NIF3L1: variants seen among roughly 807,000 people sequenced by gnomAD.
NIF3L1 encodes the protein NGG1 interacting factor 3 like 1.
In NIF3L1, 26 loss-of-function variants were observed where a neutral mutation model predicts 35.0. The ratio of observed to expected loss-of-function variants is 0.74; its 90% confidence interval spans 0.54 to 1.03. The LOEUF (loss-of-function observed/expected upper bound fraction) is 1.03. NIF3L1 is among the 50% of genes least tolerant of loss of function. The pLI is 0.00. For synonymous variants in NIF3L1, 157 were observed against 178.9 expected (o/e 0.88, Z 0.98); for missense variants, 449 against 466.3 (o/e 0.96, Z 0.34).
At chr2:200,896,699 T>C (rs569873652) in intron 4 of NIF3L1, among the ~76,000 whole-genome samples, 94 of 152,236 alleles carry the variant, frequency 6.2e-4, no homozygotes, top group African/African-American at 2.1e-3. Flanking sequence ...CCACCTCCCA[T>C]TCAGCCTCCC....
intron 6 of NIF3L1, among the ~76,000 whole-genome samples, chr2:200,900,834 G>T (rs2040399899): frequency 6.6e-6 from 1 of 152,142 alleles, no homozygotes. Flanking sequence ...AAAGTTGCAA[G>T]AATAGTATAC....
intron 5 of NIF3L1, among the ~76,000 whole-genome samples, chr2:200,897,518 A>G (rs946578338): frequency 6.6e-6 from 1 of 152,102 alleles, no homozygotes; most frequent in African/African-American, 2.4e-5. Context: ...TTAAACCATC[A>G]GTTTAAAATT....
chr2:200,895,332 A>C lies in NIF3L1; in HGVS notation c.668A>C (p.Asp223Ala), dbSNP rs2040284895. 1 of 1,613,846 alleles carries C rather than the reference A, an allele frequency of 6.2e-7. No individual in the cohort carries two copies. Among genetic ancestry groups the C allele is most frequent in the Middle Eastern group, 1.6e-4 (1 of 6,082 alleles). ...CTQKALMQVVDFLSRNKQLYQ... is the reference protein window; with the variant it reads ...CTQKALMQVVAFLSRNKQLYQ... ...CAGAAGGCTTTGATGCAGGTGGTAGATTTTCTTTCCCGGAACAAACAACTT... is the reference window on the plus strand; with the variant it reads ...CAGAAGGCTTTGATGCAGGTGGTAGCTTTTCTTTCCCGGAACAAACAACTT... Residue 223 changes from aspartate (D) to alanine (A), a missense_variant, in exon 4 of 7, where the codon GAT (aspartate) becomes GCT (alanine). Asp to Ala is a moderately radical substitution (Grantham distance 126). Coordinates refer to ENST00000409020, the MANE Select transcript of NIF3L1 (RefSeq NM_001369441.2).
chr2:200,895,394 A>G lies in NIF3L1; in HGVS notation c.726+4A>G, dbSNP rs935058239. The G allele has an allele frequency of 1.9e-5, 30 of 1,613,920 alleles. 1 individual carries two copies. The African/African-American group carries it at 3.3e-4, about 18-fold the overall frequency. ...GGAAATTCTGTCACTGGAGAAGGTA[A>G]TAAGAATATTTTGTATTTGATCTTA... On this transcript the variant is annotated splice_donor_region_variant and intron_variant, in intron 4 of 6. Transcript: ENST00000409020.
intron 2 of NIF3L1, 26 bp downstream of exon 2, chr2:200,892,405 A>G (rs772303231): frequency 1.6e-5 from 24 of 1,525,058 alleles, no homozygotes; most frequent in Non-Finnish European, 2.0e-5. Flanking sequence ...CATATTTGAT[A>G]TTTTCCCTGC....
intron 3 of NIF3L1, 84 bp downstream of exon 3, chr2:200,893,492 T>G (rs1463183279): frequency 4.6e-6 from 6 of 1,314,176 alleles, no homozygotes; most frequent in Non-Finnish European, 2.1e-6. Context: ...GTATTTAGGC[T>G]TGAAACAAAT....
intron 6 of NIF3L1, among the ~76,000 whole-genome samples, chr2:200,903,247 C>T (rs994131831): frequency 5.9e-5 from 9 of 152,338 alleles, no homozygotes; most frequent in African/African-American, 2.2e-4. Context: ...AGGTGATCTG[C>T]CTGCCTAGGC....
intron 5 of NIF3L1, 76 bp from the exon 6 acceptor site, chr2:200,899,309 A>G (rs2040373317): frequency 2.7e-6 from 3 of 1,121,908 alleles, no homozygotes; most frequent in African/African-American, 3.1e-5. Flanking sequence ...TATGTTTAGG[A>G]TTCTTGGTAC....
In NIF3L1 at chr2:200,903,512, A is replaced by G. The variant is rs530776552; in HGVS notation, c.968A>G (p.Asp323Gly). Reference sequence around the variant, plus strand: ...TTGGTAGGTGAGATGTCCCATCATGATACTTTGGATGCTGCTTCCCAAGGA... The same window carrying G: ...TTGGTAGGTGAGATGTCCCATCATGGTACTTTGGATGCTGCTTCCCAAGGA... ...LYLTGEMSHH[D>G]TLDAASQGIN... Residue 323 changes from aspartate (D) to glycine (G), a missense_variant, in exon 7 of 7, where the codon GAT (aspartate) becomes GGT (glycine). Physicochemically the swap from Asp to Gly is moderately conservative, Grantham distance 94. Coordinates refer to ENST00000409020, the MANE Select transcript of NIF3L1 (RefSeq NM_001369441.2). The G allele has an allele frequency of 1.2e-6, 2 of 1,613,770 alleles. No homozygotes were observed. Among genetic ancestry groups the G allele is most frequent in the African/African-American group, 1.3e-5 (1 of 75,042 alleles).
chr2:200,901,011 C>T (rs1309350649), intron 6 of NIF3L1, among the ~76,000 whole-genome samples: 1 of 152,112 alleles, frequency 6.6e-6, no homozygotes, highest in Non-Finnish European at 1.5e-5. Flanking sequence ...TGATGTATTT[C>T]CCCTAGGACC....
At chr2:200,896,133 ACT>A (rs1193990678) in intron 4 of NIF3L1, among the ~76,000 whole-genome samples, 4 of 150,832 alleles carry the variant, frequency 2.7e-5, no homozygotes, top group African/African-American at 4.9e-5. Context: ...AGTAGTTGAA[ACT>A]CTCATTTTCT....
chr2:200,891,186 A>G (rs184547546), intron 1 of NIF3L1, among the ~76,000 whole-genome samples: 14 of 152,044 alleles, frequency 9.2e-5, no homozygotes, highest in African/African-American at 3.1e-4. Context: ...TTATCTCTTG[A>G]CTTTGTGATC....
chr2:200,892,167 A>G lies in NIF3L1; in HGVS notation c.224A>G (p.Glu75Gly). The change falls in exon 2 of 7, where the codon GAG becomes GGG. Residue 75 changes from glutamate to glycine, a missense_variant. Coordinates refer to ENST00000409020, the MANE Select transcript of NIF3L1 (RefSeq NM_001369441.2). The stretch of plus-strand genomic sequence containing the variant: ...CTCTTCCTGACCAATGACCTGACTG[A>G]GGAAGTGATGGAGGAGGTGCTGCAA... ...NTLFLTNDLTEEVMEEVLQKK... is the reference protein window; with the variant it reads ...NTLFLTNDLTGEVMEEVLQKK... 6.2e-7 allele frequency: 1 copy of G among 1,614,188 alleles called. No homozygotes were observed. The highest frequency in any genetic ancestry group is 8.5e-7 in the Non-Finnish European group (1 of 1,180,036).
rs753249368 is a variant in NIF3L1, at chr2:200,891,914, T to A, written c.-26-4T>A. The A allele has an allele frequency of 1.1e-5, 17 of 1,525,200 alleles. No homozygotes were observed. The highest frequency in any genetic ancestry group is 1.1e-5 in the Non-Finnish European group (12 of 1,125,652). The allele number at this position is 1,525,200 out of a possible 1,614,324, so 94.5% of individuals were successfully genotyped here. ...GTGTACCATTTTCTTTGTTTTGACA[T>A]CAGAAACTTGAACTTTACCTGATTT... On this transcript the variant is annotated splice_region_variant and splice_polypyrimidine_tract_variant and intron_variant, in intron 1 of 6. Transcript: ENST00000409020.
chr2:200,895,531 T>C (rs1267676610), intron 4 of NIF3L1, 141 bp downstream of exon 4: 10 of 806,470 alleles, frequency 1.2e-5, no homozygotes, highest in East Asian at 7.9e-5. Context: ...ATTGTACATA[T>C]TTGATGTGTA....
At chr2:200,902,374 C>G (rs999490209) in intron 6 of NIF3L1, among the ~76,000 whole-genome samples, 1 of 152,246 alleles carries the variant, frequency 6.6e-6, no homozygotes, top group African/African-American at 2.4e-5. Flanking sequence ...TCGAGACCAG[C>G]CTGGCCAACG....
chr2:200,892,635 G>A (rs2040226794), intron 2 of NIF3L1, among the ~76,000 whole-genome samples: 1 of 152,158 alleles, frequency 6.6e-6, no homozygotes, highest in East Asian at 1.9e-4. Flanking sequence ...CACTTTTGTG[G>A]CACAATGCCT....
chr2:200,890,262 G>A (rs1355144514), intron 1 of NIF3L1, among the ~76,000 whole-genome samples: 1 of 152,138 alleles, frequency 6.6e-6, no homozygotes, highest in African/African-American at 2.4e-5. Context: ...GGAGGCTGAG[G>A]TGGGAGGATC....
chr2:200,897,519 G>C (rs973329711), intron 5 of NIF3L1, among the ~76,000 whole-genome samples: 2 of 152,058 alleles, frequency 1.3e-5, no homozygotes, highest in Non-Finnish European at 2.9e-5. Flanking sequence ...TAAACCATCA[G>C]TTTAAAATTC....
Sources: allele counts gnomAD v4.1 joint callset (sites outside exome capture counted in the v4.1 genomes callset), GRCh38; gene constraint gnomAD v4.1.1; transcripts MANE v1.5; gene names NCBI Gene and HGNC (gene_info 2026-07-23, HGNC 2026-07-21).